Variants in NRXN3 observed in about 807,000 individuals in gnomAD.
NRXN3 encodes the protein neurexin III.
A neutral mutation model predicts 137.6 loss-of-function variants in NRXN3; 32 were observed. The ratio of observed to expected loss-of-function variants is 0.23; its 90% CI spans 0.18 to 0.31. The LOEUF is 0.31. NRXN3 is among the 10% of genes least tolerant of loss of function. The pLI is 1.00. For synonymous variants in NRXN3, 798 were observed against 784.5 expected (o/e 1.02, Z -0.29); for missense variants, 1,574 against 2,062.5 (o/e 0.76, Z 4.59).
intron 8 of NRXN3, among the ~76,000 whole-genome samples, chr14:78,722,463 G>C (rs940856781): frequency 3.9e-5 from 6 of 152,212 alleles, no homozygotes; most frequent in African/African-American, 1.4e-4. Context: ...CACAACACAA[G>C]GGGATTGTTG....
At chr14:78,876,471 T>C (rs775072401) in intron 10 of NRXN3, among the ~76,000 whole-genome samples, 3 of 152,220 alleles carry the variant, frequency 2.0e-5, no homozygotes, top group Non-Finnish European at 2.9e-5. Context: ...ATTAGATTCA[T>C]AGTGTACTTA....
At chr14:79,024,386 A>G (rs2099594833) in intron 15 of NRXN3, among the ~76,000 whole-genome samples, 1 of 152,198 alleles carries the variant, frequency 6.6e-6, no homozygotes, top group African/African-American at 2.4e-5. Context: ...TTTTAAATAA[A>G]TAAAATAAAT....
At chr14:79,438,324 A>G (rs2095876249) in intron 15 of NRXN3, among the ~76,000 whole-genome samples, 1 of 152,204 alleles carries the variant, frequency 6.6e-6, no homozygotes, top group Non-Finnish European at 1.5e-5. Context: ...GTTTGTTAAT[A>G]AAAGTTCGGT....
intron 8 of NRXN3, among the ~76,000 whole-genome samples, chr14:78,798,041 C>T (rs1034813837): frequency 6.6e-6 from 1 of 152,128 alleles, no homozygotes; most frequent in South Asian, 2.1e-4. Flanking sequence ...TCATTCCATC[C>T]CTGACCCCTC....
intron 4 of NRXN3, among the ~76,000 whole-genome samples, chr14:78,561,168 A>C (rs1166134404): frequency 6.6e-6 from 1 of 152,158 alleles, no homozygotes; most frequent in Non-Finnish European, 1.5e-5. Context: ...TCTCGACATG[A>C]GTCTTTAGGG....
intron 1 of NRXN3, among the ~76,000 whole-genome samples, chr14:78,218,482 C>T (rs559031524): frequency 6.6e-6 from 1 of 152,118 alleles, no homozygotes; most frequent in Non-Finnish European, 1.5e-5. Flanking sequence ...AGTCTAGAAA[C>T]CTGGCCAGAT....
chr14:78,355,983 A>T (rs1360010024), intron 4 of NRXN3, among the ~76,000 whole-genome samples: 5 of 152,230 alleles, frequency 3.3e-5, no homozygotes, highest in African/African-American at 1.2e-4. Flanking sequence ...TCTGAGGGCA[A>T]CTTTAAACTT....
At chr14:79,730,711 GTTAT>G (rs1294246494) in intron 19 of NRXN3, among the ~76,000 whole-genome samples, 5 of 152,126 alleles carry the variant, frequency 3.3e-5, no homozygotes, top group Non-Finnish European at 4.4e-5. Flanking sequence ...TCCCGAACGA[GTTAT>G]TTATATAGTT....
At chr14:78,486,543 T>A (rs2095561975) in intron 4 of NRXN3, among the ~76,000 whole-genome samples, 1 of 152,126 alleles carries the variant, frequency 6.6e-6, no homozygotes, top group Non-Finnish European at 1.5e-5. Flanking sequence ...ATTGATTTGT[T>A]AACCCTTGCG....
rs141652881 is a variant in NRXN3 at position 78,255,590 on chromosome 14, A to G, written c.709+11788A>G. Among the ~76,000 whole-genome samples the G allele has an allele frequency of 1.0e-3, 159 of 152,296 alleles. 1 individual carries two copies. Among genetic ancestry groups the G allele is most frequent in the African/African-American group, 3.7e-3 (155 of 41,546 alleles). On this transcript the variant is annotated intron_variant, in intron 2 of 20. Coordinates refer to ENST00000335750, the MANE Select transcript of NRXN3 (RefSeq NM_001330195.2). ...CCTTAATGCAAGTTGCGATTGCTCA[A>G]CTGGGTTTCCTGATTCCTGTGGCAG... is the stretch of plus-strand genomic sequence containing the variant.
At chr14:78,403,113 G>A (rs1010696374) in intron 4 of NRXN3, among the ~76,000 whole-genome samples, 2 of 152,158 alleles carry the variant, frequency 1.3e-5, no homozygotes, top group African/African-American at 4.8e-5. Flanking sequence ...AAGGATTTAG[G>A]AAGGCTATGT....
intron 19 of NRXN3, among the ~76,000 whole-genome samples, chr14:79,705,814 C>T (rs942885795): frequency 4.6e-5 from 7 of 152,188 alleles, no homozygotes; most frequent in Non-Finnish European, 1.0e-4. Context: ...TCTCATAGCA[C>T]TTATCACTGC....
chr14:79,701,197 G>A (rs2098753306), intron 19 of NRXN3, among the ~76,000 whole-genome samples: 1 of 152,024 alleles, frequency 6.6e-6, no homozygotes, highest in Non-Finnish European at 1.5e-5. Context: ...TAGATTAGCT[G>A]GGTTTAAAAC....
chr14:79,393,724 A>G (rs1050719345), intron 15 of NRXN3, among the ~76,000 whole-genome samples: 1 of 152,166 alleles, frequency 6.6e-6, no homozygotes, highest in African/African-American at 2.4e-5. Context: ...CTGAGGCAGG[A>G]GAATGGCGTG....
intron 15 of NRXN3, among the ~76,000 whole-genome samples, chr14:79,005,754 TTTATACA>T (rs2099551146): frequency 2.0e-5 from 3 of 152,030 alleles, no homozygotes; most frequent in Non-Finnish European, 2.9e-5. Context: ...TGTTTACATG[TTTATACA>T]TGTTTACCTG....
chr14:79,171,657 T>A (rs1473829001), intron 15 of NRXN3, among the ~76,000 whole-genome samples: 3 of 152,174 alleles, frequency 2.0e-5, no homozygotes, highest in Non-Finnish European at 4.4e-5. Context: ...TAAGAGTGGA[T>A]ATAGTATTTA....
chr14:79,137,196 C>A (rs768426628), intron 15 of NRXN3, among the ~76,000 whole-genome samples: 1 of 152,168 alleles, frequency 6.6e-6, no homozygotes, highest in Admixed American at 6.5e-5. Context: ...ATAGGTAGAT[C>A]TTCAGTTAGG....
chr14:79,851,977 CA>C (rs35042494), intron 20 of NRXN3, among the ~76,000 whole-genome samples: 36 of 149,190 alleles, frequency 2.4e-4, no homozygotes, highest in East Asian at 1.4e-3. Flanking sequence ...GCCATTCTTA[CA>C]AAAAAAAAAT....
chr14:78,646,950 C>T (rs1467380194), intron 5 of NRXN3, among the ~76,000 whole-genome samples: 1 of 152,164 alleles, frequency 6.6e-6, no homozygotes. Context: ...GAAATACAAC[C>T]TTTTGCTAGT....
Sources: gnomAD v4.1 joint callset for allele counts (sites outside exome capture counted in the v4.1 genomes callset) on GRCh38, gnomAD v4.1.1 for gene constraint, MANE v1.5 for transcripts, NCBI Gene and HGNC (gene_info 2026-07-23, HGNC 2026-07-21) for gene names.